The following NAPRT variants were observed in gnomAD, a reference collection of about 807,000 sequenced individuals.
NAPRT encodes nicotinate phosphoribosyltransferase, also known as FHA-HIT-interacting protein.
NAPRT carries 66 observed loss-of-function variants against 60.7 expected under a neutral mutation model. That is an observed-to-expected ratio of 1.09 (90% CI 0.89 to 1.33). NAPRT has a LOEUF of 1.33. Among genes scored for constraint, NAPRT ranks in the 40% most tolerant of loss-of-function variants. NAPRT has a pLI of 0.00. For missense variants in NAPRT, 818 were observed against 731.5 expected, an observed-to-expected ratio of 1.12 and a Z score of -1.36; for synonymous variants, 405 against 335.7, an observed-to-expected ratio of 1.21 and a Z score of -2.26.
chr8:143,574,841 G>A lies in NAPRT; in HGVS notation c.1614C>T (p.Pro538=), dbSNP rs1215790428. 17 of 1,550,560 alleles carry A rather than the reference G, an allele frequency of 1.1e-5. No homozygotes were observed. The highest frequency in any genetic ancestry group is 1.4e-5 in the Non-Finnish European group (16 of 1,146,986). Residue 538 remains proline, a synonymous_variant, in exon 13 of 13, where the codon CCC becomes CCT. Transcript: ENST00000449291. ...LVNSLCAGQS[P] ...CCAGTCAGCCCCGCTCCGAGTCTCA[G>A]GGGGACTGCCCCGCACACAGACTGT...
chr8:143,577,732 A>C lies in NAPRT; in HGVS notation c.362T>G (p.Leu121Arg), dbSNP rs1213803662. Reference protein sequence around the residue: ...EGSLAFPGVPLLQVSGPLLVV... With the variant: ...EGSLAFPGVPRLQVSGPLLVV... ...CAGGAGCGGCCCGGACACCTGCAGG[A>C]GCGGCACCTGCGGGGAGAGAAGTCA... Residue 121 changes from leucine to arginine, a missense_variant, in exon 3 of 13, where the codon CTC (leucine) becomes CGC (arginine). By Grantham distance (102) the Leu-to-Arg change is moderately radical (BLOSUM62 -2). Transcript: ENST00000449291. 11 of 1,550,008 alleles carry C rather than the reference A, an allele frequency of 7.1e-6. No homozygotes were observed. The highest frequency in any genetic ancestry group is 1.4e-5 in the African/African-American group (1 of 73,454).
Position 143,577,279 on chromosome 8 carries a change from G to A in NAPRT, c.558C>T (p.Ser186=). 1 of 1,609,470 alleles carries A rather than the reference G, an allele frequency of 6.2e-7. No individual in the cohort carries two copies. Among genetic ancestry groups the A allele is most frequent in the Non-Finnish European group, 8.5e-7 (1 of 1,178,346 alleles). ...PDGGLTASTY[S]YLGGFDSSSN... ...GCACCAGACACTCACCGCCCAGGTAGCTGTAGGTGGAGGCTGTCAGGCCCC... is the reference window on the plus strand; with the variant it reads ...GCACCAGACACTCACCGCCCAGGTAACTGTAGGTGGAGGCTGTCAGGCCCC... The change falls in exon 4 of 13, where the codon AGC becomes AGT. Residue 186 remains serine (S), a synonymous_variant. Transcript: ENST00000449291.
At chr8:143,578,005 G>T in intron 1 of NAPRT, 62 bp from the exon 2 acceptor site, 1 of 1,553,348 alleles carries the variant, frequency 6.4e-7, no homozygotes, top group East Asian at 2.3e-5. Context: ...GGACATGGGG[G>T]GTTCCACGGG....
chr8:143,577,123 G>GCCA lies in NAPRT; in HGVS notation c.620_622dup (p.Val207dup), dbSNP rs751170839. 8 of 1,612,874 alleles carry GCCA rather than the reference G, an allele frequency of 5.0e-6. No homozygotes were observed. Among genetic ancestry groups the GCCA allele is most frequent in the Non-Finnish European group, 5.9e-6 (7 of 1,179,948 alleles). On this transcript the variant is annotated inframe_insertion, in exon 5 of 13. Coordinates refer to ENST00000449291, the MANE Select transcript of NAPRT (RefSeq NM_145201.6). ...GACGAAGGAGTGGGCCAGGGTCCCG[G>GCCA]CCACCGGCACACCTCGCAGCTGGCC... is the stretch of plus-strand genomic sequence containing the variant.
Position 143,575,630 on chromosome 8 carries a change from C to T in NAPRT, c.1180G>A (p.Val394Ile), listed in dbSNP as rs761982396. 1.3e-5 allele frequency: 20 copies of T among 1,594,302 alleles called. No individual in the cohort carries two copies. The highest frequency in any genetic ancestry group is 4.5e-5 in the East Asian group (2 of 44,242). The change falls in exon 9 of 13, where the codon GTC becomes ATC. Residue 394 changes from valine (V) to isoleucine (I), a missense_variant. By Grantham distance (29) the Val-to-Ile change is conservative. Coordinates refer to ENST00000449291, the MANE Select transcript of NAPRT (RefSeq NM_145201.6). ...CCCGACACTGTCCCTACCTTATAGACGCCACCCAGGGAAGGCTGTTGGGGG... is the reference window on the plus strand; with the variant it reads ...CCCGACACTGTCCCTACCTTATAGATGCCACCCAGGGAAGGCTGTTGGGGG... Reference protein sequence around the residue: ...TCPQQPSLGGVYKLVAVGGQP... With the variant: ...TCPQQPSLGGIYKLVAVGGQP...
In NAPRT at chr8:143,577,820, G is replaced by T; in HGVS notation, c.350C>A (p.Pro117His). Residue 117 changes from proline to histidine, a missense_variant, in exon 2 of 13, where the codon CCC becomes CAC. Pro to His is a moderately conservative substitution (Grantham distance 77). Transcript: ENST00000449291. ...CGCCCGCTTACCCCTACTCACTCCG[G>T]GGAAGGCGAGGGAGCCCTCGGGCAG... ...RALPEGSLAF[P>H]GVPLLQVSGP... 6.2e-7 allele frequency: 1 copy of T among 1,607,454 alleles called. No individual in the cohort carries two copies.
intron 7 of NAPRT, 117 bp downstream of exon 7, chr8:143,576,315 G>T: frequency 6.9e-7 from 1 of 1,444,588 alleles, no homozygotes; most frequent in Non-Finnish European, 9.4e-7. Context: ...TTACTTCCCT[G>T]CCACGGCCTG....
intron 10 of NAPRT, 26 bp downstream of exon 10, chr8:143,575,397 C>T (rs1824362057): frequency 1.3e-6 from 2 of 1,594,298 alleles, no homozygotes; most frequent in Non-Finnish European, 1.7e-6. Context: ...TGAAGGTGGA[C>T]AGCAGGGGGG....
At chr8:143,576,389 C>T (rs778815654) in intron 7 of NAPRT, 43 bp downstream of exon 7, 17 of 1,572,680 alleles carry the variant, frequency 1.1e-5, no homozygotes, top group South Asian at 3.5e-5. Flanking sequence ...TCCCAAACCC[C>T]GGGGATCTCC....
Position 143,575,535 on chromosome 8 carries a change from G to A in NAPRT, c.1189-10C>T, listed in dbSNP as rs541112174. On this transcript the variant is annotated splice_polypyrimidine_tract_variant and intron_variant, in intron 9 of 12. Transcript: ENST00000449291. ...CCCCCACGGCCACCAGCTGCAGGAA[G>A]AGGGCGTTGAGCTGGCTGGTCCTTA... is the stretch of plus-strand genomic sequence containing the variant. 6.5e-5 allele frequency: 104 copies of A among 1,598,346 alleles called. No individual in the cohort carries two copies. In the African/African-American group the frequency reaches 1.3e-3, roughly 20 times the overall value.
At chr8:143,576,243 C>T (rs969233253) in intron 7 of NAPRT, 81 bp from the exon 8 acceptor site, 20 of 1,432,852 alleles carry the variant, frequency 1.4e-5, no homozygotes, top group Admixed American at 1.2e-4. Context: ...CTCCCCGCCC[C>T]GCCTCAGTCA....
chr8:143,575,734 G>A (rs775529415), intron 8 of NAPRT, 32 bp from the exon 9 acceptor site: 2 of 1,492,782 alleles, frequency 1.3e-6, no homozygotes, highest in Admixed American at 4.1e-5. Context: ...CGTGAGCCCA[G>A]CTGCCCTGGG....
Position 143,576,671 on chromosome 8 carries a change from G to A in NAPRT, c.856C>T (p.Leu286Phe), listed in dbSNP as rs753339354. The change falls in exon 6 of 13, where the codon CTC (leucine) becomes TTC (phenylalanine). Residue 286 changes from leucine to phenylalanine, a missense_variant. By Grantham distance (22) the Leu-to-Phe change is conservative. Transcript: ENST00000449291. ...CTCCACACGCTGTAGGTGTCCAGGA[G>A]GCCCTGGAAGGCCCGGGGAAAAGCC... ...ALAFPRAFQG[L>F]LDTYSVWRSG... The A allele has an allele frequency of 1.6e-5, 25 of 1,611,242 alleles. No homozygotes were observed. The highest frequency in any genetic ancestry group is 2.2e-5 in the South Asian group (2 of 90,922).
In NAPRT at chr8:143,576,717, T is replaced by C; in HGVS notation, c.810A>G (p.Ala270=). ...AAGCCAAGGCATAGGCCACAAAGGCTGCCCGCTCGCCTGGATGCGGCTCCT... is the reference window on the plus strand; with the variant it reads ...AAGCCAAGGCATAGGCCACAAAGGCCGCCCGCTCGCCTGGATGCGGCTCCT... ...GVQEPHPGER[A]AFVAYALAFP... is the part of the protein sequence containing the mutation. Residue 270 remains alanine, a synonymous_variant, in exon 6 of 13, where the codon GCA becomes GCG. Transcript: ENST00000449291. 6.2e-7 allele frequency: 1 copy of C among 1,609,922 alleles called. No individual in the cohort carries two copies. The highest frequency in any genetic ancestry group is 2.2e-5 in the East Asian group (1 of 44,810).
intron 5 of NAPRT, 50 bp from the exon 6 acceptor site, chr8:143,576,892 C>A: frequency 1.3e-6 from 2 of 1,548,566 alleles, no homozygotes; most frequent in Non-Finnish European, 1.8e-6. Context: ...CAGGATGAGG[C>A]CTGGGAGCAG....
chr8:143,576,031 C>G lies in NAPRT; in HGVS notation c.1107+47G>C, dbSNP rs564689383. The G allele has an allele frequency of 2.5e-5, 37 of 1,484,412 alleles. No individual in the cohort carries two copies. In the South Asian group the frequency reaches 4.6e-4, roughly 18 times the overall value. The allele number at this position is 1,484,412 out of a possible 1,614,324, so 92.0% of individuals were successfully genotyped here. Reference sequence around the variant, plus strand: ...AGCCCAGCCAGAACCTGCAGGGGCCCCCAGAGCCCCCCAGCCACCCTCCGC... The same window carrying G: ...AGCCCAGCCAGAACCTGCAGGGGCCGCCAGAGCCCCCCAGCCACCCTCCGC... On this transcript the variant is annotated intron_variant, in intron 8 of 12. Coordinates refer to ENST00000449291, the MANE Select transcript of NAPRT (RefSeq NM_145201.6).
chr8:143,577,835 C>A lies in NAPRT; in HGVS notation c.335G>T (p.Gly112Val). The change falls in exon 2 of 13, where the codon GGC becomes GTC. Residue 112 changes from glycine to valine, a missense_variant. Transcript: ENST00000449291. ...SEVTVRALPEGSLAFPGVPLL... is the reference protein window; with the variant it reads ...SEVTVRALPEVSLAFPGVPLL... ...ACTCACTCCGGGGAAGGCGAGGGAG[C>A]CCTCGGGCAGGGCTCGCACCGTCAC... 6.2e-7 allele frequency: 1 copy of A among 1,610,364 alleles called. No homozygotes were observed. Among genetic ancestry groups the A allele is most frequent in the South Asian group, 1.1e-5 (1 of 90,882 alleles).
Position 143,576,144 on chromosome 8 carries a change from C to T in NAPRT, c.1041G>A (p.Leu347=). ...AAAAQFQVPW[L]ESVLIVVSNN... ...TGCTGACTACGATGAGGACTGACTCCAGCCAGGGCACCTGGAACCTGCCGC... is the reference window on the plus strand; with the variant it reads ...TGCTGACTACGATGAGGACTGACTCTAGCCAGGGCACCTGGAACCTGCCGC... The change falls in exon 8 of 13, where the codon CTG becomes CTA. Residue 347 remains leucine (L), a synonymous_variant. Coordinates refer to ENST00000449291, the MANE Select transcript of NAPRT (RefSeq NM_145201.6). The T allele has an allele frequency of 6.2e-7, 1 of 1,602,014 alleles. No homozygotes were observed. The highest frequency in any genetic ancestry group is 2.3e-5 in the East Asian group (1 of 44,368).
At position 143,575,503 on chromosome 8, in the gene NAPRT, G is replaced by A; in HGVS notation, c.1211C>T (p.Pro404Leu). Residue 404 changes from proline (P) to leucine (L), a missense_variant, in exon 10 of 13, where the codon CCA becomes CTA. Transcript: ENST00000449291. Reference sequence around the variant, plus strand: ...GGGGTCCTCGGTCAGCTTCATTCGTGGCTGGCCCCCCACGGCCACCAGCTG... The same window carrying A: ...GGGGTCCTCGGTCAGCTTCATTCGTAGCTGGCCCCCCACGGCCACCAGCTG... ...VYKLVAVGGQ[P>L]RMKLTEDPEK... 1.9e-6 allele frequency: 3 copies of A among 1,599,324 alleles called. No individual in the cohort carries two copies. Among genetic ancestry groups the A allele is most frequent in the Non-Finnish European group, 1.7e-6 (2 of 1,168,604 alleles).
Sources: gnomAD v4.1 joint callset for allele counts on GRCh38, gnomAD v4.1.1 for gene constraint, MANE v1.5 for transcripts, NCBI Gene and HGNC (gene_info 2026-07-23, HGNC 2026-07-21) for gene names.